Variants in RBMS3 observed in about 807,000 individuals in gnomAD.
RBMS3 encodes RNA binding motif single stranded interacting protein 3.
Under a neutral mutation model 66.8 loss-of-function variants are expected in RBMS3, and 27 were observed. That is an observed-to-expected ratio of 0.40 (90% CI 0.30 to 0.56). RBMS3 has a LOEUF of 0.56. Ranked by LOEUF, RBMS3 falls within the 20% of genes least tolerant of loss-of-function variation. The pLI, the probability that RBMS3 is intolerant of heterozygous loss-of-function variation, is 0.40. For missense variants in RBMS3, 513 were observed against 549.5 expected (o/e 0.93, Z 0.66); for synonymous variants, 188 against 183.0 (o/e 1.03, Z -0.22).
At chr3:29,459,745 T>A (rs2125777271) in intron 2 of RBMS3, among the ~76,000 whole-genome samples, 1 of 152,294 alleles carries the variant, frequency 6.6e-6, no homozygotes, top group East Asian at 1.9e-4. Flanking sequence ...ATTTCGAACT[T>A]AAAACAATTT....
At chr3:29,974,076 T>G (rs760959021) in intron 12 of RBMS3, among the ~76,000 whole-genome samples, 19 of 151,960 alleles carry the variant, frequency 1.3e-4, no homozygotes, top group Non-Finnish European at 2.7e-4. Context: ...TTTGAACAGC[T>G]GGATATGGCT....
rs190797678 is a variant in RBMS3, at chr3:29,365,395, T to G, written c.76-69348T>G. Among the ~76,000 whole-genome samples, 4 of 152,218 alleles carry G rather than the reference T, an allele frequency of 2.6e-5. No individual in the cohort carries two copies. In the East Asian group the frequency reaches 7.7e-4, roughly 29 times the overall value. ...GAAATTCAGTGGAAAAAAACATTTT[T>G]CCATCATTCATAATGTTAGCATGGA... is the stretch of plus-strand genomic sequence containing the variant. On this transcript the variant is annotated intron_variant, in intron 1 of 14. Transcript: ENST00000383767.
At chr3:29,480,629 C>G (rs1353561750) in intron 2 of RBMS3, among the ~76,000 whole-genome samples, 2 of 152,092 alleles carry the variant, frequency 1.3e-5, no homozygotes, top group Non-Finnish European at 2.9e-5. Flanking sequence ...AGTATTGTTC[C>G]AACAGAAGTC....
At chr3:29,289,574 A>T (rs1559463016) in intron 1 of RBMS3, among the ~76,000 whole-genome samples, 1 of 151,870 alleles carries the variant, frequency 6.6e-6, no homozygotes, top group Non-Finnish European at 1.5e-5. Flanking sequence ...AAAAAGGCTT[A>T]AAGAAAATAT....
At chr3:29,968,785 G>A (rs560799724) in intron 12 of RBMS3, among the ~76,000 whole-genome samples, 22 of 152,300 alleles carry the variant, frequency 1.4e-4, no homozygotes, top group Non-Finnish European at 2.6e-4. Flanking sequence ...TCTTGCAGTC[G>A]ATCTAGAGCT....
Position 29,474,698 on chromosome 3 carries a change from C to T in RBMS3, c.249-13743C>T, listed in dbSNP as rs548704296. ...TAGTAGGGACAGTGCTACGAAGAGG[C>T]GTACTGGTCTAGAAGAAGCTTTTAA... On this transcript the variant is annotated intron_variant, in intron 2 of 14. Transcript: ENST00000383767. Among the ~76,000 whole-genome samples the T allele has an allele frequency of 4.6e-5, 7 of 152,202 alleles. No individual in the cohort carries two copies. In the South Asian group the frequency reaches 8.3e-4, roughly 18 times the overall value.
chr3:29,550,672 G>T (rs2046151733), intron 3 of RBMS3, among the ~76,000 whole-genome samples: 1 of 152,054 alleles, frequency 6.6e-6, no homozygotes, highest in African/African-American at 2.4e-5. Flanking sequence ...TCTGTTTCAT[G>T]CAATATTTGG....
At chr3:29,459,540 A>C (rs2042303007) in intron 2 of RBMS3, among the ~76,000 whole-genome samples, 1 of 152,188 alleles carries the variant, frequency 6.6e-6, no homozygotes, top group South Asian at 2.1e-4. Flanking sequence ...ATTTATCATC[A>C]TGAGAAATAT....
At chr3:29,750,018 G>A (rs1559633589) in intron 5 of RBMS3, among the ~76,000 whole-genome samples, 1 of 152,136 alleles carries the variant, frequency 6.6e-6, no homozygotes, top group African/African-American at 2.4e-5. Flanking sequence ...GTTGCTATAA[G>A]CTATGAATAG....
intron 2 of RBMS3, 143 bp from the exon 3 acceptor site, chr3:29,488,298 A>G: frequency 1.6e-6 from 1 of 606,956 alleles, no homozygotes; most frequent in Non-Finnish European, 2.9e-6. Flanking sequence ...AAAGGACATC[A>G]TCCAGGTGTG....
chr3:29,513,113 C>T (rs572604338), intron 3 of RBMS3, among the ~76,000 whole-genome samples: 3 of 152,268 alleles, frequency 2.0e-5, no homozygotes, highest in African/African-American at 4.8e-5. Flanking sequence ...CACATCCTTT[C>T]GCATTTGACA....
chr3:29,931,679 G>T (rs143339303), intron 10 of RBMS3, among the ~76,000 whole-genome samples: 2 of 151,928 alleles, frequency 1.3e-5, no homozygotes, highest in Non-Finnish European at 2.9e-5. Flanking sequence ...ACAAATGAAA[G>T]AAATTAGACA....
chr3:29,524,532 A>T (rs2045006404), intron 3 of RBMS3, among the ~76,000 whole-genome samples: 2 of 140,506 alleles, frequency 1.4e-5, no homozygotes, highest in Non-Finnish European at 3.0e-5. Flanking sequence ...GTTTCAAGCT[A>T]TTCTCCTGCC....
chr3:29,642,808 G>C (rs1440506), intron 4 of RBMS3: 6 of 152,056 alleles, frequency 3.9e-5, no homozygotes, highest in Admixed American at 6.6e-5. Context: ...CTCAGAGAAG[G>C]TGCTCTACAT....
intron 3 of RBMS3, among the ~76,000 whole-genome samples, chr3:29,527,898 C>T (rs2045195738): frequency 6.7e-6 from 1 of 149,890 alleles, no homozygotes. Context: ...CACATGTACC[C>T]TAGAACTTAA....
intron 5 of RBMS3, among the ~76,000 whole-genome samples, chr3:29,749,801 T>C (rs1279876120): frequency 6.6e-6 from 1 of 152,162 alleles, no homozygotes; most frequent in Non-Finnish European, 1.5e-5. Context: ...TATCTAAAAA[T>C]ATGCCATTCC....
intron 12 of RBMS3, among the ~76,000 whole-genome samples, chr3:29,983,738 C>CA (rs149770127): frequency 0.044 from 6,746 of 152,172 alleles, 525 homozygotes; most frequent in African/African-American, 0.15. Context: ...GAATATTTGC[C>CA]ACCATTCTCT....
chr3:29,449,815 C>A (rs572954710), intron 2 of RBMS3, among the ~76,000 whole-genome samples: 1 of 152,124 alleles, frequency 6.6e-6, no homozygotes, highest in Non-Finnish European at 1.5e-5. Flanking sequence ...TAATTTGGCC[C>A]ACACAGTTGT....
intron 1 of RBMS3, among the ~76,000 whole-genome samples, chr3:29,422,426 T>A (rs1386516735): frequency 6.7e-6 from 1 of 148,806 alleles, no homozygotes; most frequent in Non-Finnish European, 1.5e-5. Flanking sequence ...CCAGTAATAA[T>A]CACACAAAAA....
Sources: gnomAD v4.1 joint callset for allele counts (sites outside exome capture counted in the v4.1 genomes callset) on GRCh38, gnomAD v4.1.1 for gene constraint, MANE v1.5 for transcripts, NCBI Gene and HGNC (gene_info 2026-07-23, HGNC 2026-07-21) for gene names.